Variants in RASGEF1B observed in about 807,000 individuals in gnomAD.
RASGEF1B encodes the protein ras-GEF domain-containing family member 1B.
A neutral mutation model predicts 65.7 loss-of-function variants in RASGEF1B; 30 were observed. That is an observed-to-expected ratio of 0.46 (90% CI 0.34 to 0.62). The LOEUF (loss-of-function observed/expected upper bound fraction) is 0.62, where lower values mean the gene tolerates loss of function less well. RASGEF1B is among the 20% of genes least tolerant of loss of function. The pLI is 0.01. For synonymous variants in RASGEF1B, 175 were observed against 194.8 expected (o/e 0.90, Z 0.85); for missense variants, 495 against 580.1 (o/e 0.85, Z 1.51).
At chr4:81,450,174 T>C (rs1722200138) in intron 4 of RASGEF1B, among the ~76,000 whole-genome samples, 1 of 152,176 alleles carries the variant, frequency 6.6e-6, no homozygotes, top group Non-Finnish European at 1.5e-5. Context: ...ATTTTAAATC[T>C]CTCATTCCTA....
At chr4:81,450,552 T>TTGA (rs572936582) in intron 4 of RASGEF1B, among the ~76,000 whole-genome samples, 189 of 151,980 alleles carry the variant, frequency 1.2e-3, no homozygotes, top group African/African-American at 4.0e-3. Context: ...GTTGTTGTTG[T>TTGA]TGATGCCTTT....
At chr4:81,460,186 C>T (rs1220798502) in intron 1 of RASGEF1B, among the ~76,000 whole-genome samples, 1 of 152,126 alleles carries the variant, frequency 6.6e-6, no homozygotes, top group Non-Finnish European at 1.5e-5. Flanking sequence ...AATAAACATG[C>T]AGGCTGAGAA....
intron 6 of RASGEF1B, among the ~76,000 whole-genome samples, chr4:81,446,653 A>G (rs1189544137): frequency 6.6e-6 from 1 of 152,210 alleles, no homozygotes; most frequent in Non-Finnish European, 1.5e-5. Context: ...AGTCTACACC[A>G]TCATGGTCTT....
At chr4:81,459,281 C>T (rs549727630) in intron 2 of RASGEF1B, 51 bp downstream of exon 2, 21 of 1,406,370 alleles carry the variant, frequency 1.5e-5, no homozygotes, top group Non-Finnish European at 1.9e-5. Context: ...TACTGTACTG[C>T]AATTTCTACT....
intron 10 of RASGEF1B, among the ~76,000 whole-genome samples, chr4:81,435,780 T>G (rs1721612716): frequency 7.0e-6 from 1 of 142,412 alleles, no homozygotes; most frequent in Admixed American, 6.9e-5. Flanking sequence ...TGGCCTTTTT[T>G]TTTTTTTTTT....
chr4:81,464,591 C>T (rs2109996910), intron 1 of RASGEF1B, among the ~76,000 whole-genome samples: 1 of 152,256 alleles, frequency 6.6e-6, no homozygotes, highest in Middle Eastern at 3.4e-3. Context: ...GATCACAAAC[C>T]TCTCCCCATC....
rs1362868955 is a variant in RASGEF1B, at chr4:81,442,376, G to C, written c.929C>G (p.Ser310Cys). The change falls in exon 9 of 14, where the codon TCT becomes TGT. Residue 310 changes from serine to cysteine, a missense_variant and splice_region_variant. By Grantham distance (112) the Ser-to-Cys change is moderately radical. Coordinates refer to ENST00000264400, the MANE Select transcript of RASGEF1B (RefSeq NM_152545.3). The stretch of plus-strand genomic sequence containing the variant: ...AGAGACTGGGCTCATATTCATACCA[G>C]CTTCCCATTTGAAATGGAGGGGGAG... Reference protein sequence around the residue: ...GNFNSLMAIISGMNMSPVSRL... With the variant: ...GNFNSLMAIICGMNMSPVSRL... The C allele has an allele frequency of 6.2e-7, 1 of 1,605,656 alleles. No homozygotes were observed. The highest frequency in any genetic ancestry group is 1.1e-5 in the South Asian group (1 of 90,590).
intron 6 of RASGEF1B, among the ~76,000 whole-genome samples, chr4:81,447,109 G>T (rs1403513296): frequency 6.6e-6 from 1 of 152,188 alleles, no homozygotes; most frequent in Admixed American, 6.5e-5. Flanking sequence ...CAGCAAGCTG[G>T]ATGTGCATCC....
Position 81,459,339 on chromosome 4 carries a change from T to G in RASGEF1B, c.170A>C (p.Tyr57Ser), listed in dbSNP as rs371123928. The stretch of plus-strand genomic sequence containing the variant: ...AGAAACATGAATACCTACATCTGGA[T>G]AGTAATCCACATTAGGTACTAAGTG... Reference protein sequence around the residue: ...IQHLVPNVDYYPDRTYIFTFL... With the variant: ...IQHLVPNVDYSPDRTYIFTFL... The change falls in exon 2 of 14, where the codon TAT (tyrosine) becomes TCT (serine). Residue 57 changes from tyrosine to serine, a missense_variant. Coordinates refer to ENST00000264400, the MANE Select transcript of RASGEF1B (RefSeq NM_152545.3). 4 of 1,591,014 alleles carry G rather than the reference T, an allele frequency of 2.5e-6. No homozygotes were observed. The highest frequency in any genetic ancestry group is 3.4e-6 in the Non-Finnish European group (4 of 1,172,432).
rs191932452 is a variant in RASGEF1B, at chr4:81,447,200, T to A, written c.729+304A>T. 1.9e-3 allele frequency among the ~76,000 whole-genome samples: 291 copies of A among 152,310 alleles called. 2 individuals are homozygous for A. The highest frequency in any genetic ancestry group is 3.4e-3 in the Middle Eastern group (1 of 294). On this transcript the variant is annotated intron_variant, in intron 6 of 13. Coordinates refer to ENST00000264400, the MANE Select transcript of RASGEF1B (RefSeq NM_152545.3). ...GATTCTTAATCTGCTAAAACCATTA[T>A]GCTTTCGTCTCCTATTTTCATCACC...
Position 81,427,345 on chromosome 4 carries a change from A to G in RASGEF1B, c.*423T>C, listed in dbSNP as rs1222678891. On this transcript the variant is annotated 3_prime_UTR_variant, in exon 14 of 14. Transcript: ENST00000264400. ...CACTCCTTTCTTCATTTAAGTTAAC[A>G]AAAGAAACGTGGGCTTCCTCAGAGC... is the stretch of plus-strand genomic sequence containing the variant. The G allele has an allele frequency of 6.1e-6, 1 of 164,616 alleles. No homozygotes were observed. Among genetic ancestry groups the G allele is most frequent in the Admixed American group, 6.4e-5 (1 of 15,736 alleles). 10.2% of individuals were successfully genotyped at this position (164,616 alleles called of 1,614,324 possible). A position where few individuals can be genotyped will look rare whatever the true frequency, so the allele number is the denominator to read the frequency against.
At chr4:81,446,784 CAA>C (rs1364868641) in intron 6 of RASGEF1B, among the ~76,000 whole-genome samples, 5 of 152,106 alleles carry the variant, frequency 3.3e-5, no homozygotes, top group African/African-American at 1.2e-4. Context: ...AAGAGACAAA[CAA>C]AGAGTCCACT....
intron 10 of RASGEF1B, among the ~76,000 whole-genome samples, chr4:81,436,380 G>A (rs1721632925): frequency 6.6e-6 from 1 of 152,122 alleles, no homozygotes; most frequent in Admixed American, 6.5e-5. Context: ...GAGGAAATAT[G>A]AATGTATAAA....
chr4:81,428,726 G>C (rs1244302803), intron 13 of RASGEF1B, among the ~76,000 whole-genome samples: 2 of 152,126 alleles, frequency 1.3e-5, no homozygotes, highest in Non-Finnish European at 2.9e-5. Flanking sequence ...GAATCAGTAA[G>C]ACTGATGGCC....
chr4:81,458,408 T>C (rs1239277968), intron 2 of RASGEF1B, among the ~76,000 whole-genome samples: 2 of 152,206 alleles, frequency 1.3e-5, no homozygotes, highest in African/African-American at 4.8e-5. Context: ...GTTTTCCCTG[T>C]GTGGCAACAT....
chr4:81,463,344 T>G (rs1240270789), intron 1 of RASGEF1B, among the ~76,000 whole-genome samples: 1 of 152,150 alleles, frequency 6.6e-6, no homozygotes, highest in Non-Finnish European at 1.5e-5. Flanking sequence ...TCCTCAAAAC[T>G]GGGATGCATG....
chr4:81,450,055 C>CTA (rs1470282476), intron 4 of RASGEF1B, among the ~76,000 whole-genome samples: 8 of 152,296 alleles, frequency 5.3e-5, no homozygotes, highest in Non-Finnish European at 1.0e-4. Flanking sequence ...ACCTTCCATA[C>CTA]AGCACTAAGG....
intron 1 of RASGEF1B, among the ~76,000 whole-genome samples, chr4:81,460,307 G>A (rs1722598717): frequency 6.6e-6 from 1 of 152,172 alleles, no homozygotes; most frequent in African/African-American, 2.4e-5. Context: ...GCTCTGCAGA[G>A]GCCAGAGGCT....
intron 1 of RASGEF1B, among the ~76,000 whole-genome samples, chr4:81,461,538 G>A (rs1553946641): frequency 6.6e-6 from 1 of 152,026 alleles, no homozygotes; most frequent in Non-Finnish European, 1.5e-5. Context: ...CCAGGATTTG[G>A]GAATTCCAAA....
Sources: allele counts gnomAD v4.1 joint callset (sites outside exome capture counted in the v4.1 genomes callset), GRCh38; gene constraint gnomAD v4.1.1; transcripts MANE v1.5; gene names NCBI Gene and HGNC (gene_info 2026-07-23, HGNC 2026-07-21).